CTNNA3: variants seen among roughly 807,000 people sequenced by gnomAD.
The protein encoded by CTNNA3 is catenin alpha 3, also known as catenin alpha-3.
CTNNA3 carries 76 observed loss-of-function variants against 95.7 expected under a neutral mutation model. The observed-to-expected ratio is 0.79, with a 90% CI of 0.66 to 0.96. The LOEUF (loss-of-function observed/expected upper bound fraction) is 0.96, where lower values mean the gene tolerates loss of function less well. CTNNA3 is among the 40% of genes least tolerant of loss of function. The pLI is 0.00. For missense variants in CTNNA3, 1,191 were observed against 1,089.8 expected (o/e 1.09, Z -1.31); for synonymous variants, 431 against 374.4 (o/e 1.15, Z -1.74).
intron 11 of CTNNA3, among the ~76,000 whole-genome samples, chr10:66,474,679 C>A (rs893335205): frequency 3.9e-5 from 6 of 151,912 alleles, no homozygotes. Context: ...TGTAAGTGTT[C>A]TCCTTTCTCT....
chr10:67,359,379 C>A (rs1842922053), intron 5 of CTNNA3, among the ~76,000 whole-genome samples: 2 of 151,936 alleles, frequency 1.3e-5, no homozygotes, highest in Admixed American at 1.3e-4. Context: ...AGCAATACAC[C>A]CTAACTAGAT....
At chr10:66,863,618 G>C (rs1238772752) in intron 7 of CTNNA3, among the ~76,000 whole-genome samples, 1 of 152,146 alleles carries the variant, frequency 6.6e-6, no homozygotes. Flanking sequence ...AGAGTTTTCA[G>C]TTTCTGAGAT....
intron 10 of CTNNA3, among the ~76,000 whole-genome samples, chr10:66,540,315 C>T (rs983726032): frequency 1.3e-5 from 2 of 152,114 alleles, no homozygotes; most frequent in Admixed American, 6.6e-5. Flanking sequence ...ATTTGTTGTA[C>T]ATGAAATTCA....
chr10:67,319,306 A>G (rs1264232694), intron 5 of CTNNA3, among the ~76,000 whole-genome samples: 1 of 151,892 alleles, frequency 6.6e-6, no homozygotes, highest in East Asian at 1.9e-4. Context: ...ATATCTCTTC[A>G]CTGTGATAAA....
intron 7 of CTNNA3, among the ~76,000 whole-genome samples, chr10:67,153,936 A>G (rs1445992638): frequency 6.6e-6 from 1 of 152,142 alleles, no homozygotes; most frequent in Admixed American, 6.5e-5. Flanking sequence ...CAAAAAGTAG[A>G]TTATATTTGC....
chr10:67,601,593 G>A (rs1843085831), intron 3 of CTNNA3, among the ~76,000 whole-genome samples: 2 of 152,112 alleles, frequency 1.3e-5, no homozygotes, highest in South Asian at 4.1e-4. Flanking sequence ...TAGGGTAATA[G>A]AAACTATATA....
intron 13 of CTNNA3, among the ~76,000 whole-genome samples, chr10:66,197,745 T>C (rs932736923): frequency 2.0e-5 from 3 of 152,136 alleles, no homozygotes; most frequent in Admixed American, 6.6e-5. Context: ...CCAGGGATTA[T>C]GGAAATAAAA....
At chr10:67,341,068 T>C in intron 5 of CTNNA3, among the ~76,000 whole-genome samples, 1 of 152,184 alleles carries the variant, frequency 6.6e-6, no homozygotes, top group Admixed American at 6.5e-5. Flanking sequence ...TTTTTGTGGG[T>C]ACATAGTAGG....
At chr10:66,412,980 A>C (rs1211000067) in intron 11 of CTNNA3, among the ~76,000 whole-genome samples, 1 of 152,204 alleles carries the variant, frequency 6.6e-6, no homozygotes, top group Non-Finnish European at 1.5e-5. Flanking sequence ...ATCAAGTTTT[A>C]TAAAATTTTC....
chr10:66,687,008 G>A (rs972045095), intron 9 of CTNNA3, among the ~76,000 whole-genome samples: 3 of 151,910 alleles, frequency 2.0e-5, no homozygotes, highest in Non-Finnish European at 4.4e-5. Flanking sequence ...TAAGCTCAAA[G>A]AACTTGATGA....
chr10:66,284,590 A>C (rs1193628771), intron 12 of CTNNA3, among the ~76,000 whole-genome samples: 2 of 151,908 alleles, frequency 1.3e-5, no homozygotes, highest in Non-Finnish European at 2.9e-5. Flanking sequence ...ATCCCTTCTT[A>C]ATCCTTGATA....
At chr10:67,745,312 T>C (rs1236112054) in intron 1 of CTNNA3, among the ~76,000 whole-genome samples, 2 of 152,044 alleles carry the variant, frequency 1.3e-5, no homozygotes, top group Non-Finnish European at 2.9e-5. Flanking sequence ...ATATACACCA[T>C]GGAATACCAT....
At chr10:66,224,650 T>C (rs1338718725) in intron 13 of CTNNA3, among the ~76,000 whole-genome samples, 1 of 152,170 alleles carries the variant, frequency 6.6e-6, no homozygotes, top group Non-Finnish European at 1.5e-5. Context: ...AATTCATCTA[T>C]ACATTAACTA....
chr10:66,084,706 C>G (rs1252013247), intron 14 of CTNNA3, among the ~76,000 whole-genome samples: 1 of 152,032 alleles, frequency 6.6e-6, no homozygotes, highest in Non-Finnish European at 1.5e-5. Context: ...AATAAATCCC[C>G]AAGTGAGTTA....
chr10:66,051,786 C>G (rs1052696121), intron 15 of CTNNA3, among the ~76,000 whole-genome samples: 1 of 152,082 alleles, frequency 6.6e-6, no homozygotes, highest in African/African-American at 2.4e-5. Flanking sequence ...TGATAGAACC[C>G]TTTCCTAACA....
At chr10:66,455,517 T>G (rs1035949812) in intron 11 of CTNNA3, among the ~76,000 whole-genome samples, 1 of 152,148 alleles carries the variant, frequency 6.6e-6, no homozygotes, top group African/African-American at 2.4e-5. Flanking sequence ...GTGTCCCCAC[T>G]GCTCATCAGC....
At chr10:66,541,524 C>T (rs142399306) in intron 10 of CTNNA3, among the ~76,000 whole-genome samples, 1 of 152,144 alleles carries the variant, frequency 6.6e-6, no homozygotes, top group East Asian at 1.9e-4. Flanking sequence ...CATTTCTCAC[C>T]AATTCCTTTA....
At chr10:66,897,713 T>G (rs1845557728) in intron 7 of CTNNA3, among the ~76,000 whole-genome samples, 1 of 152,146 alleles carries the variant, frequency 6.6e-6, no homozygotes, top group Admixed American at 6.5e-5. Flanking sequence ...AAACTAACAC[T>G]TTTAGTTTAA....
chr10:66,622,862 C>T (rs1417099988), intron 9 of CTNNA3, among the ~76,000 whole-genome samples: 2 of 152,116 alleles, frequency 1.3e-5, no homozygotes, highest in Non-Finnish European at 2.9e-5. Flanking sequence ...AATGGATTTA[C>T]AGTCTTTGCT....
Sources: allele counts gnomAD v4.1 joint callset (sites outside exome capture counted in the v4.1 genomes callset), GRCh38; gene constraint gnomAD v4.1.1; transcripts MANE v1.5; gene names NCBI Gene and HGNC (gene_info 2026-07-23, HGNC 2026-07-21).